MTMR3: variants seen among roughly 807,000 people sequenced by gnomAD.
MTMR3 encodes the protein phosphatidylinositol-3,5-bisphosphate 3-phosphatase MTMR3.
MTMR3 carries 32 observed loss-of-function variants against 132.4 expected under a neutral mutation model. That is an observed-to-expected ratio of 0.24 (90% CI 0.18 to 0.32). The LOEUF is 0.32. Ranked by LOEUF, MTMR3 falls within the 10% of genes least tolerant of loss-of-function variation. The pLI is 1.00. For synonymous variants in MTMR3, 556 were observed against 550.3 expected (o/e 1.01, Z -0.14); for missense variants, 1,216 against 1,489.6 (o/e 0.82, Z 3.02).
At chr22:30,014,292 A>G (rs1312357380) in intron 14 of MTMR3, 2 of 152,208 alleles carry the variant, frequency 1.3e-5, no homozygotes, top group African/African-American at 2.4e-5. Flanking sequence ...TCATGCCACC[A>G]ATCCAGTGAG....
At chr22:29,961,671 A>G (rs943937601) in intron 2 of MTMR3, among the ~76,000 whole-genome samples, 10 of 152,196 alleles carry the variant, frequency 6.6e-5, no homozygotes, top group African/African-American at 1.9e-4. Context: ...AACTTAGTGT[A>G]GCCTAGTTGT....
chr22:29,961,907 T>TAGGTA (rs2066319626), intron 2 of MTMR3, among the ~76,000 whole-genome samples: 1 of 152,270 alleles, frequency 6.6e-6, no homozygotes, highest in African/African-American at 2.4e-5. Flanking sequence ...GTGTTACAGT[T>TAGGTA]ACCTACAGTA....
rs59781649 is a variant in MTMR3, at chr22:29,954,059, C to CTTTTTTTTTTTTT, written c.-137-2965_-137-2953dup. Among the ~76,000 whole-genome samples the CTTTTTTTTTTTTT allele has an allele frequency of 8.1e-4, 64 of 79,430 alleles. 1 individual carries two copies. The highest frequency in any genetic ancestry group is 3.0e-3 in the African/African-American group (57 of 18,930). The allele number at this position is 79,430 out of a possible 152,430, so 52.1% of individuals were successfully genotyped here. A position where few individuals can be genotyped will look rare whatever the true frequency, so the allele number is the denominator to read the frequency against. ...CCCTTTTTTTTTCTTTCAAATGAGT[C>CTTTTTTTTTTTTT]TTTTTTTTTTTTTTTTTTTTTTTTG... On this transcript the variant is annotated intron_variant, in intron 1 of 19. Coordinates refer to ENST00000401950, the MANE Select transcript of MTMR3 (RefSeq NM_021090.4).
In MTMR3 at chr22:30,030,814, G is replaced by A. The variant is rs960261929; in HGVS notation, c.*5013G>A. On this transcript the variant is annotated 3_prime_UTR_variant, in exon 20 of 20. Coordinates refer to ENST00000401950, the MANE Select transcript of MTMR3 (RefSeq NM_021090.4). ...TTTATTAGATTTAAAAGTAAGATCT[G>A]GTATGAAGAAAGGTTTTGTTTGTTT... 2 of 152,144 alleles carry A rather than the reference G, an allele frequency of 1.3e-5. No individual in the cohort carries two copies. The highest frequency in any genetic ancestry group is 4.8e-5 in the African/African-American group (2 of 41,360). 9.4% of individuals were successfully genotyped at this position (152,144 alleles called of 1,614,324 possible).
At chr22:30,007,380 A>G (rs2067294629) in intron 10 of MTMR3, 61 bp downstream of exon 10, 1 of 1,490,940 alleles carries the variant, frequency 6.7e-7, no homozygotes, top group Admixed American at 1.7e-5. Flanking sequence ...CTTTTCTTGA[A>G]ATGGCCTCTT....
chr22:29,969,724 G>A (rs2066495908), intron 2 of MTMR3, among the ~76,000 whole-genome samples: 1 of 152,030 alleles, frequency 6.6e-6, no homozygotes, highest in East Asian at 1.9e-4. Flanking sequence ...TAGAGATGGG[G>A]TTTCACTATG....
At chr22:29,912,995 C>G (rs192981792) in intron 1 of MTMR3, among the ~76,000 whole-genome samples, 5 of 152,262 alleles carry the variant, frequency 3.3e-5, no homozygotes, top group Admixed American at 3.3e-4. Context: ...GTAATCCCAG[C>G]ATTCTGGGAA....
Position 29,906,266 on chromosome 22 carries a change from GTCTGTCTGTCTGTCTGTCTGTCTA to G in MTMR3, c.-138+22911_-138+22934del, listed in dbSNP as rs1371132672. On this transcript the variant is annotated intron_variant, in intron 1 of 19. Transcript: ENST00000401950. ...CATCCGTCTGTCTGTCTGTCTGTCT[GTCTGTCTGTCTGTCTGTCTGTCTA>G]TCTATCTATCTATCTATCTATCTAT... Among the ~76,000 whole-genome samples, 68 of 97,922 alleles carry G rather than the reference GTCTGTCTGTCTGTCTGTCTGTCTA, an allele frequency of 6.9e-4. 1 individual carries two copies. In the East Asian group the frequency reaches 8.1e-3, roughly 12 times the overall value. 64.2% of individuals were successfully genotyped at this position (97,922 alleles called of 152,430 possible).
At chr22:29,958,438 C>A (rs936494670) in intron 2 of MTMR3, among the ~76,000 whole-genome samples, 1 of 152,150 alleles carries the variant, frequency 6.6e-6, no homozygotes, top group Admixed American at 6.5e-5. Flanking sequence ...CTTCAAACAG[C>A]TTGTCACCTG....
intron 3 of MTMR3, among the ~76,000 whole-genome samples, chr22:29,975,391 T>C (rs1351965736): frequency 6.6e-6 from 1 of 152,202 alleles, no homozygotes; most frequent in African/African-American, 2.4e-5. Flanking sequence ...TTTGCAAATC[T>C]CTTTAATATT....
At chr22:29,893,551 A>G (rs1175017586) in intron 1 of MTMR3, among the ~76,000 whole-genome samples, 4 of 152,174 alleles carry the variant, frequency 2.6e-5, no homozygotes, top group Non-Finnish European at 5.9e-5. Context: ...TCTTGTACAT[A>G]TGGTTGACTT....
chr22:29,990,200 C>G (rs1300919907), intron 6 of MTMR3: 2 of 152,276 alleles, frequency 1.3e-5, no homozygotes, highest in Non-Finnish European at 2.9e-5. Flanking sequence ...CGCCACTGTA[C>G]TCCAGCCTGG....
intron 2 of MTMR3, among the ~76,000 whole-genome samples, chr22:29,963,910 A>C (rs905154920): frequency 4.0e-5 from 6 of 151,416 alleles, no homozygotes; most frequent in African/African-American, 9.7e-5. Flanking sequence ...CCTTTGGGCT[A>C]CTTTGAATAA....
intron 3 of MTMR3, among the ~76,000 whole-genome samples, chr22:29,977,460 C>T (rs1569032864): frequency 6.6e-6 from 1 of 152,180 alleles, no homozygotes; most frequent in Non-Finnish European, 1.5e-5. Context: ...TTATTGCTTC[C>T]TCTTTTGAAA....
chr22:29,941,209 G>A (rs1312010116), intron 1 of MTMR3, among the ~76,000 whole-genome samples: 1 of 152,086 alleles, frequency 6.6e-6, no homozygotes, highest in Admixed American at 6.5e-5. Flanking sequence ...ATGCTTTTGA[G>A]ACTTATCCAG....
At position 29,960,903 on chromosome 22, in the gene MTMR3, T is replaced by G. The variant is rs185850632; in HGVS notation, c.-85+3815T>G. 1.5e-3 allele frequency among the ~76,000 whole-genome samples: 229 copies of G among 152,266 alleles called. 1 individual carries two copies. Among genetic ancestry groups the G allele is most frequent in the Non-Finnish European group, 1.5e-3 (105 of 68,012 alleles). ...TTTAAAAGCTTTTTTTGTAGAAAAA[T>G]TTGTTATCCTAATTGCAAATGTTTT... On this transcript the variant is annotated intron_variant, in intron 2 of 19. Coordinates refer to ENST00000401950, the MANE Select transcript of MTMR3 (RefSeq NM_021090.4).
intron 1 of MTMR3, among the ~76,000 whole-genome samples, chr22:29,896,125 C>T (rs1344401932): frequency 6.6e-6 from 1 of 152,054 alleles, no homozygotes; most frequent in Non-Finnish European, 1.5e-5. Flanking sequence ...GCCTGGCCAA[C>T]GTGGTGAAAC....
At chr22:30,015,057 T>G (rs1410920949) in intron 14 of MTMR3, 2 of 152,072 alleles carry the variant, frequency 1.3e-5, no homozygotes, top group East Asian at 1.9e-4. Context: ...ACTTGATGCT[T>G]CTTTTTGGAG....
chr22:29,991,527 A>G lies in MTMR3; in HGVS notation c.317A>G (p.Gln106Arg), dbSNP rs111877266. ...AGGTGTCAGTTTTCAACCTTTGAGC[A>G]GTGTCAAGAGTGGCTGAAGAGACTG... ...VIRCQFSTFEQCQEWLKRLNN... is the reference protein window; with the variant it reads ...VIRCQFSTFERCQEWLKRLNN... The change falls in exon 7 of 20, where the codon CAG (glutamine) becomes CGG (arginine). Residue 106 changes from glutamine (Q) to arginine (R), a missense_variant. Gln to Arg is a conservative substitution (Grantham distance 43). Around this residue, in one of 7 missense-constraint regions of MTMR3, gnomAD observed 129 missense variants for 245.7 expected, o/e 0.53. Transcript: ENST00000401950. 3 of 1,612,872 alleles carry G rather than the reference A, an allele frequency of 1.9e-6. No homozygotes were observed. Among genetic ancestry groups the G allele is most frequent in the Non-Finnish European group, 2.5e-6 (3 of 1,179,594 alleles).
Sources: allele counts gnomAD v4.1 joint callset (sites outside exome capture counted in the v4.1 genomes callset), GRCh38; gene constraint gnomAD v4.1.1; regional missense constraint gnomAD v4.1.1; transcripts MANE v1.5; gene names NCBI Gene and HGNC (gene_info 2026-07-23, HGNC 2026-07-21).